The following MCTP2 variants were observed in gnomAD, a reference collection of about 807,000 sequenced individuals.
MCTP2 encodes multiple C2 and transmembrane domain containing 2, also known as multiple C2 and transmembrane domain-containing protein 2.
Under a neutral mutation model 111.6 loss-of-function variants are expected in MCTP2, and 132 were observed. The observed-to-expected ratio is 1.18, with a 90% CI of 1.03 to 1.37. The LOEUF is 1.37. Ranked by LOEUF, MCTP2 falls within the 40% of genes most tolerant of loss-of-function variation. MCTP2 has a pLI of 0.00. For missense variants in MCTP2, 1,183 were observed against 1,067.9 expected, an observed-to-expected ratio of 1.11 and a Z score of -1.50; for synonymous variants, 395 against 387.7, an observed-to-expected ratio of 1.02 and a Z score of -0.22.
intron 18 of MCTP2, among the ~76,000 whole-genome samples, chr15:94,441,325 A>G (rs2083768413): frequency 6.6e-6 from 1 of 152,200 alleles, no homozygotes. Flanking sequence ...TATCAGTGAG[A>G]AAATAGAACC....
At chr15:94,357,561 T>TG (rs377352841) in intron 9 of MCTP2, among the ~76,000 whole-genome samples, 199 of 150,186 alleles carry the variant, frequency 1.3e-3, no homozygotes, top group African/African-American at 4.0e-3. Context: ...TTTTTTTTGT[T>TG]TTTGTTTTTT....
At chr15:94,379,075 T>G (rs1263042858) in intron 12 of MCTP2, among the ~76,000 whole-genome samples, 1 of 152,010 alleles carries the variant, frequency 6.6e-6, no homozygotes, top group African/African-American at 2.4e-5. Flanking sequence ...TTTTTGTTTT[T>G]TTTTTTAATG....
At chr15:94,322,428 AG>A (rs1261354563) in intron 4 of MCTP2, among the ~76,000 whole-genome samples, 1 of 152,188 alleles carries the variant, frequency 6.6e-6, no homozygotes, top group East Asian at 1.9e-4. Context: ...AACATGGATT[AG>A]TAGACTTTTT....
At chr15:94,407,469 G>T (rs1381944239) in intron 17 of MCTP2, among the ~76,000 whole-genome samples, 1 of 152,088 alleles carries the variant, frequency 6.6e-6, no homozygotes, top group African/African-American at 2.4e-5. Context: ...TCTTCATAAA[G>T]CTATGATTTT....
intron 2 of MCTP2, among the ~76,000 whole-genome samples, chr15:94,311,724 C>T (rs917272799): frequency 2.0e-5 from 3 of 152,164 alleles, no homozygotes; most frequent in Non-Finnish European, 4.4e-5. Context: ...AATGTCATTG[C>T]TCACATTGAA....
In MCTP2 at chr15:94,362,017, C is replaced by T. The variant is rs192233976; in HGVS notation, c.1301+3405C>T. On this transcript the variant is annotated intron_variant, in intron 10 of 22. Coordinates refer to ENST00000357742, the MANE Select transcript of MCTP2 (RefSeq NM_001385001.1). Reference sequence around the variant, plus strand: ...TCCCCTTTTTCCATAGTCCACCGACCTGCAGATTCCCCCTGAGCCACAAGT... The same window carrying T: ...TCCCCTTTTTCCATAGTCCACCGACTTGCAGATTCCCCCTGAGCCACAAGT... Among the ~76,000 whole-genome samples the T allele has an allele frequency of 1.3e-5, 2 of 152,244 alleles. 1 individual carries two copies. Among genetic ancestry groups the T allele is most frequent in the East Asian group, 3.9e-4 (2 of 5,180 alleles).
Position 94,243,020 on chromosome 15 carries a change from TGTGTATCTACACATAC to T in MCTP2, c.-66+11357_-66+11372del, listed in dbSNP as rs1199321328. Reference sequence around the variant, plus strand: ...GTGTATCTACACATACACGTGTATATGTGTATCTACACATACACGTGTATATGTGTATCTACACATA... The same window carrying T: ...GTGTATCTACACATACACGTGTATATACGTGTATATGTGTATCTACACATA... On this transcript the variant is annotated intron_variant, in intron 1 of 22. Coordinates refer to ENST00000357742, the MANE Select transcript of MCTP2 (RefSeq NM_001385001.1). 9.1e-3 allele frequency among the ~76,000 whole-genome samples: 896 copies of T among 98,980 alleles called. 184 individuals are homozygous for T. The highest frequency in any genetic ancestry group is 0.033 in the African/African-American group (851 of 25,576). The allele number at this position is 98,980 out of a possible 152,430, so 64.9% of individuals were successfully genotyped here.
intron 11 of MCTP2, among the ~76,000 whole-genome samples, chr15:94,368,094 C>CTG (rs36074467): frequency 0.032 from 4,809 of 151,964 alleles, 260 homozygotes; most frequent in African/African-American, 0.11. Context: ...CCTGCTTAGG[C>CTG]TGTGTGTGTG....
intron 1 of MCTP2, among the ~76,000 whole-genome samples, chr15:94,266,331 T>C (rs2073528759): frequency 6.6e-6 from 1 of 152,216 alleles, no homozygotes; most frequent in Non-Finnish European, 1.5e-5. Context: ...TTGACTCGTT[T>C]GTATTTTTAT....
chr15:94,372,280 C>T (rs759439892), intron 12 of MCTP2, among the ~76,000 whole-genome samples: 13 of 152,162 alleles, frequency 8.5e-5, no homozygotes, highest in Non-Finnish European at 1.6e-4. Context: ...TTGTCATTAG[C>T]TAAACATGTG....
At chr15:94,405,528 C>G (rs2081856708) in intron 17 of MCTP2, among the ~76,000 whole-genome samples, 1 of 152,116 alleles carries the variant, frequency 6.6e-6, no homozygotes, top group South Asian at 2.1e-4. Flanking sequence ...ACTCACCTTG[C>G]TAGATGACCC....
intron 1 of MCTP2, among the ~76,000 whole-genome samples, chr15:94,268,420 G>A (rs1435999417): frequency 1.3e-4 from 19 of 145,862 alleles, no homozygotes; most frequent in African/African-American, 4.6e-4. Flanking sequence ...TTGAACTCCC[G>A]ACCTCAGGTG....
At chr15:94,245,476 A>T (rs28716424) in intron 1 of MCTP2, among the ~76,000 whole-genome samples, 16 of 140,276 alleles carry the variant, frequency 1.1e-4, no homozygotes, top group Non-Finnish European at 2.0e-4. Context: ...ACATATATGT[A>T]TATATACATA....
In MCTP2 at chr15:94,404,194, TTA is replaced by T. The variant is rs537779399; in HGVS notation, c.2085+2177_2085+2178del. ...ATTAAAAGTTGTTTTTTTATTCCTA[TTA>T]TGATTATTCCAAAACCATTTCTGCT... On this transcript the variant is annotated intron_variant, in intron 17 of 22. Transcript: ENST00000357742. Among the ~76,000 whole-genome samples the T allele has an allele frequency of 1.2e-4, 19 of 152,302 alleles. No homozygotes were observed. The East Asian group carries it at 2.9e-3, about 23-fold the overall frequency.
intron 20 of MCTP2, 59 bp downstream of exon 20, chr15:94,458,305 G>A (rs2084966206): frequency 9.9e-7 from 1 of 1,013,796 alleles, no homozygotes; most frequent in Admixed American, 1.7e-5. Flanking sequence ...CAAGGACAGT[G>A]GGGTAATGGC....
chr15:94,331,143 G>C (rs2077115569), intron 4 of MCTP2, among the ~76,000 whole-genome samples: 1 of 152,120 alleles, frequency 6.6e-6, no homozygotes, highest in African/African-American at 2.4e-5. Context: ...TTAATATATT[G>C]ACAGTGTTTT....
intron 1 of MCTP2, among the ~76,000 whole-genome samples, chr15:94,295,750 C>T (rs1250267839): frequency 2.6e-5 from 4 of 151,700 alleles, no homozygotes; most frequent in Non-Finnish European, 5.9e-5. Context: ...GTCAAAAATT[C>T]TATCTGTACA....
chr15:94,422,396 CAGTT>C (rs1045818949), intron 17 of MCTP2, among the ~76,000 whole-genome samples: 4 of 152,180 alleles, frequency 2.6e-5, no homozygotes, highest in Non-Finnish European at 4.4e-5. Context: ...TGACTCTACA[CAGTT>C]AGTCAAACTT....
At chr15:94,345,568 A>G (rs920651568) in intron 8 of MCTP2, among the ~76,000 whole-genome samples, 1 of 152,210 alleles carries the variant, frequency 6.6e-6, no homozygotes, top group Non-Finnish European at 1.5e-5. Context: ...TCTCTTTAAT[A>G]TCTTTTGAAA....
Sources: allele counts gnomAD v4.1 joint callset (sites outside exome capture counted in the v4.1 genomes callset), GRCh38; gene constraint gnomAD v4.1.1; transcripts MANE v1.5; gene names NCBI Gene and HGNC (gene_info 2026-07-23, HGNC 2026-07-21).